PCNX4: variants seen among roughly 807,000 people sequenced by gnomAD.
PCNX4 encodes pecanex-like protein 4.
A neutral mutation model predicts 107.2 loss-of-function variants in PCNX4; 103 were observed. The ratio of observed to expected loss-of-function variants is 0.96; its 90% CI spans 0.82 to 1.13. The LOEUF (loss-of-function observed/expected upper bound fraction) is 1.13. Ranked by LOEUF, PCNX4 falls within the 50% of genes most tolerant of loss-of-function variation. The pLI is 0.00. For synonymous variants in PCNX4, 541 were observed against 481.7 expected, an observed-to-expected ratio of 1.12 and a Z score of -1.61; for missense variants, 1,528 against 1,379.4, an observed-to-expected ratio of 1.11 and a Z score of -1.71.
At position 60,107,669 on chromosome 14, in the gene PCNX4, T is replaced by A. The variant is rs1895653430; in HGVS notation, c.31T>A (p.Tyr11Asn). The change falls in exon 2 of 11, where the codon TAC (tyrosine) becomes AAC (asparagine). Residue 11 changes from tyrosine (Y) to asparagine (N), a missense_variant. Physicochemically the swap from Tyr to Asn is moderately radical, Grantham distance 143 (BLOSUM62 -2). Coordinates refer to ENST00000406854, the MANE Select transcript of PCNX4 (RefSeq NM_001330177.2). ...TCCAGATGTGCCTCTACTGAATGAT[T>A]ACAAGCAGGACTTCTTTCTGAAGCG... MSPDVPLLND[Y>N]KQDFFLKRFP... The A allele has an allele frequency of 6.2e-7, 1 of 1,612,762 alleles. No individual in the cohort carries two copies. Among genetic ancestry groups the A allele is most frequent in the African/African-American group, 1.3e-5 (1 of 75,046 alleles).
At position 60,124,234 on chromosome 14, in the gene PCNX4, A is replaced by G. The variant is rs2140560307; in HGVS notation, c.2063A>G (p.Glu688Gly). 1.9e-6 allele frequency: 3 copies of G among 1,585,286 alleles called. No individual in the cohort carries two copies. The highest frequency in any genetic ancestry group is 2.6e-6 in the Non-Finnish European group (3 of 1,165,782). ...CTTCTTTAGGGGTTAGAATTGCAGG[A>G]AACATCCTGTCATACTGCAGAAGCT... ...SINIKGLELQ[E>G]TSCHTAEARR... The change falls in exon 9 of 11, where the codon GAA (glutamate) becomes GGA (glycine). Residue 688 changes from glutamate (E) to glycine (G), a missense_variant. By Grantham distance (98) the Glu-to-Gly change is moderately conservative (BLOSUM62 -2). Transcript: ENST00000406854.
In PCNX4 at chr14:60,135,438, T is replaced by A. The variant is rs920415108; in HGVS notation, c.*1217T>A. On this transcript the variant is annotated 3_prime_UTR_variant, in exon 11 of 11. Coordinates refer to ENST00000406854, the MANE Select transcript of PCNX4 (RefSeq NM_001330177.2). ...AGATAGGATTTTGTATTACTCTGAG[T>A]TTACATCTCAGACTTATGATTTAAT... is the stretch of plus-strand genomic sequence containing the variant. 6.6e-6 allele frequency: 1 copy of A among 152,220 alleles called. No homozygotes were observed. The highest frequency in any genetic ancestry group is 2.4e-5 in the African/African-American group (1 of 41,454). 9.4% of individuals were successfully genotyped at this position (152,220 alleles called of 1,614,324 possible). A position where few individuals can be genotyped will look rare whatever the true frequency, so the allele number is the denominator to read the frequency against.
rs1896309070 is a variant in PCNX4 at position 60,141,809 on chromosome 14, T to A, written c.*7588T>A. 2.0e-5 allele frequency: 3 copies of A among 152,260 alleles called. No homozygotes were observed. In the South Asian group the frequency reaches 6.2e-4, roughly 31 times the overall value. The allele number at this position is 152,260 out of a possible 1,614,324, so 9.4% of individuals were successfully genotyped here. Reference sequence around the variant, plus strand: ...ACATTTGTTGGTTCCAGTTTTGGGCTATTATGTAAAGCTGCTATGAGCATT... The same window carrying A: ...ACATTTGTTGGTTCCAGTTTTGGGCAATTATGTAAAGCTGCTATGAGCATT... On this transcript the variant is annotated 3_prime_UTR_variant, in exon 11 of 11. Coordinates refer to ENST00000406854, the MANE Select transcript of PCNX4 (RefSeq NM_001330177.2).
rs780339445 is a variant in PCNX4, at chr14:60,115,160, A to T, written c.1056A>T (p.Ser352=). ...DLPSGPEKHF[S]WKECLFYIII... Reference sequence around the variant, plus strand: ...CCAGTGGTCCGGAAAAACATTTTTCATGGAAGGAATGCCTTTTCTACATCA... The same window carrying T: ...CCAGTGGTCCGGAAAAACATTTTTCTTGGAAGGAATGCCTTTTCTACATCA... Residue 352 remains serine (S), a synonymous_variant, in exon 4 of 11, where the codon TCA becomes TCT. Coordinates refer to ENST00000406854, the MANE Select transcript of PCNX4 (RefSeq NM_001330177.2). 9 of 1,613,492 alleles carry T rather than the reference A, an allele frequency of 5.6e-6. 1 individual carries two copies. Among genetic ancestry groups the T allele is most frequent in the Non-Finnish European group, 8.5e-7 (1 of 1,179,472 alleles).
chr14:60,094,534 A>G (rs2140524920), intron 1 of PCNX4, among the ~76,000 whole-genome samples: 1 of 152,238 alleles, frequency 6.6e-6, no homozygotes, highest in Non-Finnish European at 1.5e-5. Context: ...CTGCTAAGCA[A>G]AGGCCCAACT....
rs1895652031 is a variant in PCNX4, at chr14:60,107,610, T to C, written c.-29T>C. 2 of 1,545,844 alleles carry C rather than the reference T, an allele frequency of 1.3e-6. No individual in the cohort carries two copies. The highest frequency in any genetic ancestry group is 8.8e-7 in the Non-Finnish European group (1 of 1,140,318). On this transcript the variant is annotated 5_prime_UTR_variant, in exon 2 of 11. An upstream start codon of the reference 5' UTR is lost. Coordinates refer to ENST00000406854, the MANE Select transcript of PCNX4 (RefSeq NM_001330177.2). The stretch of plus-strand genomic sequence containing the variant: ...GAAACTGCTGTGTTACAGAAAAGCA[T>C]GTGACTTTCAGAATAATCCCGAGTG...
chr14:60,095,078 C>G (rs1200502054), intron 1 of PCNX4, among the ~76,000 whole-genome samples: 1 of 151,966 alleles, frequency 6.6e-6, no homozygotes, highest in Admixed American at 6.6e-5. Context: ...GATTTATTTG[C>G]CAAAGTTAAG....
rs964934970 is a variant in PCNX4, at chr14:60,146,436, T to A, written c.*12215T>A. On this transcript the variant is annotated 3_prime_UTR_variant, in exon 11 of 11. Transcript: ENST00000406854. The surrounding 1 kb of genome is among the most constrained non-coding windows in gnomAD (Gnocchi z 4.9). ...TCTTTCTCTGCCCTATTATTTAAAT[T>A]GAGAATGTGAACCAGTACAGACATT... The A allele has an allele frequency of 6.6e-6, 1 of 152,100 alleles. No individual in the cohort carries two copies. Among genetic ancestry groups the A allele is most frequent in the Non-Finnish European group, 1.5e-5 (1 of 67,992 alleles). The allele number at this position is 152,100 out of a possible 1,614,324, so 9.4% of individuals were successfully genotyped here. A position where few individuals can be genotyped will look rare whatever the true frequency, so the allele number is the denominator to read the frequency against.
At chr14:60,122,518 G>C (rs1478908472) in intron 8 of PCNX4, among the ~76,000 whole-genome samples, 1 of 151,850 alleles carries the variant, frequency 6.6e-6, no homozygotes, top group African/African-American at 2.4e-5. Flanking sequence ...CACCTCCTCA[G>C]TGAGATTTCC....
At chr14:60,107,533 A>C (rs1895650572) in intron 1 of PCNX4, 53 bp from the exon 2 acceptor site, 1 of 985,568 alleles carries the variant, frequency 1.0e-6, no homozygotes, top group Non-Finnish European at 1.5e-6. Context: ...TTTTCCTCAT[A>C]GGTTTTAAAT....
In PCNX4 at chr14:60,136,976, C is replaced by G. The variant is rs558457148; in HGVS notation, c.*2755C>G. 1.2e-4 allele frequency: 19 copies of G among 152,432 alleles called. No individual in the cohort carries two copies. Among genetic ancestry groups the G allele is most frequent in the Admixed American group, 7.9e-4 (12 of 15,284 alleles). 9.4% of individuals were successfully genotyped at this position (152,432 alleles called of 1,614,324 possible). On this transcript the variant is annotated 3_prime_UTR_variant, in exon 11 of 11. Coordinates refer to ENST00000406854, the MANE Select transcript of PCNX4 (RefSeq NM_001330177.2). ...CAAAATGGTGCAGTTTGGACTAACA[C>G]TAACGTTACTGAATTTTCCCTAAAA...
In PCNX4 at chr14:60,145,859, A is replaced by G. The variant is rs1248353351; in HGVS notation, c.*11638A>G. On this transcript the variant is annotated 3_prime_UTR_variant, in exon 11 of 11. Coordinates refer to ENST00000406854, the MANE Select transcript of PCNX4 (RefSeq NM_001330177.2). This position sits in a 1 kb window ranked among gnomAD's most constrained non-coding sequence, Gnocchi z 4.0. ...ATAATGATAATACAAAATTCAGTGT[A>G]GCCACTGTTCTTGATCCCTAAAAAT... 1 of 152,038 alleles carries G rather than the reference A, an allele frequency of 6.6e-6. No homozygotes were observed. Among genetic ancestry groups the G allele is most frequent in the East Asian group, 1.9e-4 (1 of 5,202 alleles). 9.4% of individuals were successfully genotyped at this position (152,038 alleles called of 1,614,324 possible). A position where few individuals can be genotyped will look rare whatever the true frequency, so the allele number is the denominator to read the frequency against.
In PCNX4 at chr14:60,115,771, G is replaced by T; in HGVS notation, c.1410G>T (p.Gly470=). 1.2e-6 allele frequency: 2 copies of T among 1,613,258 alleles called. No homozygotes were observed. The highest frequency in any genetic ancestry group is 1.7e-6 in the Non-Finnish European group (2 of 1,179,460). ...AFLSLDSSLQ[G]LHSVSVCIGF... ...TTTCATTGGACAGTTCCTTACAAGG[G>T]CTCCACTCAGTGTCTGTCTGTATTG... is the stretch of plus-strand genomic sequence containing the variant. Residue 470 remains glycine, a synonymous_variant, in exon 5 of 11, where the codon GGG becomes GGT. Coordinates refer to ENST00000406854, the MANE Select transcript of PCNX4 (RefSeq NM_001330177.2).
chr14:60,094,013 G>C (rs1351796019), intron 1 of PCNX4, among the ~76,000 whole-genome samples: 2 of 152,064 alleles, frequency 1.3e-5, no homozygotes, highest in Admixed American at 1.3e-4. Context: ...AGAAATGTCT[G>C]TTCATATCCT....
rs1317335199 is a variant in PCNX4, at chr14:60,135,892, ATAT to A, written c.*1676_*1678del. 2 of 148,002 alleles carry A rather than the reference ATAT, an allele frequency of 1.4e-5. No individual in the cohort carries two copies. The highest frequency in any genetic ancestry group is 5.1e-5 in the African/African-American group (2 of 39,050). The allele number at this position is 148,002 out of a possible 1,614,324, so 9.2% of individuals were successfully genotyped here. A position where few individuals can be genotyped will look rare whatever the true frequency, so the allele number is the denominator to read the frequency against. On this transcript the variant is annotated 3_prime_UTR_variant, in exon 11 of 11. Coordinates refer to ENST00000406854, the MANE Select transcript of PCNX4 (RefSeq NM_001330177.2). ...TGACAGCATAAAATTCCATTGATAGATATTATTTATTGGACTACTGTCCCCCAA... is the reference window on the plus strand; with the variant it reads ...TGACAGCATAAAATTCCATTGATAGATATTTATTGGACTACTGTCCCCCAA...
chr14:60,114,668 G>T, intron 2 of PCNX4, 32 bp from the exon 3 acceptor site: 3 of 1,553,732 alleles, frequency 1.9e-6, no homozygotes, highest in Non-Finnish European at 2.6e-6. Context: ...TATATATTTC[G>T]TGTGATTTAA....
At chr14:60,122,037 A>G (rs773487984) in intron 8 of PCNX4, among the ~76,000 whole-genome samples, 1 of 152,102 alleles carries the variant, frequency 6.6e-6, no homozygotes, top group Non-Finnish European at 1.5e-5. Flanking sequence ...GTTCAGGCCA[A>G]AAATTCTAGA....
intron 1 of PCNX4, among the ~76,000 whole-genome samples, chr14:60,099,223 C>T (rs939291507): frequency 2.6e-5 from 4 of 152,088 alleles, no homozygotes; most frequent in Non-Finnish European, 4.4e-5. Context: ...TAGGTGTAGG[C>T]CAGTTTGTTT....
At chr14:60,119,371 T>C (rs982210595) in intron 7 of PCNX4, among the ~76,000 whole-genome samples, 3 of 152,220 alleles carry the variant, frequency 2.0e-5, no homozygotes, top group Admixed American at 6.5e-5. Context: ...TTGATGACAC[T>C]AGTGTGTCAT....
Sources: gnomAD v4.1 joint callset for allele counts (sites outside exome capture counted in the v4.1 genomes callset) on GRCh38, gnomAD v4.1.1 for gene constraint, Gnocchi (gnomAD v3.1) non-coding constraint, MANE v1.5 for transcripts, NCBI Gene and HGNC (gene_info 2026-07-23, HGNC 2026-07-21) for gene names.